The following RIF1 variants were observed in gnomAD, a reference collection of about 807,000 sequenced individuals.
The protein encoded by RIF1 is telomere-associated protein RIF1.
A neutral mutation model predicts 247.1 loss-of-function variants in RIF1; 45 were observed. The ratio of observed to expected loss-of-function variants is 0.18; its 90% CI spans 0.14 to 0.23. The LOEUF (loss-of-function observed/expected upper bound fraction) is 0.23. Among genes scored for constraint, RIF1 ranks in the 10% least tolerant of loss-of-function variants. The pLI is 1.00. For missense variants in RIF1, 2,967 were observed against 2,862.5 expected, an observed-to-expected ratio of 1.04 and a Z score of -0.83; for synonymous variants, 1,087 against 978.8, an observed-to-expected ratio of 1.11 and a Z score of -2.06.
intron 23 of RIF1, 72 bp from the exon 24 acceptor site, chr2:151,457,689 T>A: frequency 8.8e-7 from 1 of 1,142,460 alleles, no homozygotes; most frequent in Non-Finnish European, 1.3e-6. Context: ...TTTTAAAAAT[T>A]GAAATAGCAA....
chr2:151,522,386 G>A, the RIF1 span, among the ~76,000 whole-genome samples: 2 of 152,154 alleles, frequency 1.3e-5, no homozygotes, highest in Non-Finnish European at 2.9e-5. Context: ...AACTTCAGAA[G>A]AGGCAGAGGT....
chr2:151,525,366 G>T, the RIF1 span: 1 of 928,602 alleles, frequency 1.1e-6, no homozygotes, highest in South Asian at 1.4e-5. Context: ...GAAAATCCAT[G>T]CTCCCCATTT....
chr2:151,518,838 A>G, the RIF1 span: 1 of 647,660 alleles, frequency 1.5e-6, no homozygotes, highest in Non-Finnish European at 2.8e-6. Context: ...GAATACACTC[A>G]AATGAGAACA....
chr2:151,452,391 A>T (rs1694468328), intron 21 of RIF1, among the ~76,000 whole-genome samples: 1 of 152,268 alleles, frequency 6.6e-6, no homozygotes, highest in African/African-American at 2.4e-5. Context: ...ATCTGTCATT[A>T]ATGAAAAATG....
chr2:151,451,778 C>G, intron 21 of RIF1, 73 bp downstream of exon 21: 4 of 768,688 alleles, frequency 5.2e-6, no homozygotes, highest in Non-Finnish European at 9.1e-6. Context: ...AGGGGAAGTC[C>G]TAATACCTTT....
At chr2:151,520,756 C>A in the RIF1 span, among the ~76,000 whole-genome samples, 1 of 152,094 alleles carries the variant, frequency 6.6e-6, no homozygotes, top group Non-Finnish European at 1.5e-5. Flanking sequence ...CTCAGCTACT[C>A]AGGAGGCTGA....
chr2:151,505,629 C>T, intron 12 of RIF1: 1 of 1,360,162 alleles, frequency 7.4e-7, no homozygotes, highest in Non-Finnish European at 1.1e-6. Flanking sequence ...GTTATTCTTC[C>T]CAACATGTAC....
intron 9 of RIF1, among the ~76,000 whole-genome samples, chr2:151,490,689 T>G (rs1277234873): frequency 6.6e-6 from 1 of 152,226 alleles, no homozygotes; most frequent in Non-Finnish European, 1.5e-5. Flanking sequence ...CTTTCTTATT[T>G]TTACAGATGA....
intron 8 of RIF1, among the ~76,000 whole-genome samples, chr2:151,426,440 C>T (rs1689115115): frequency 6.6e-6 from 1 of 151,824 alleles, no homozygotes; most frequent in African/African-American, 2.4e-5. Flanking sequence ...TCCCAAAGTG[C>T]TGGCATTACA....
At chr2:151,453,170 C>T (rs1457126363) in intron 21 of RIF1, among the ~76,000 whole-genome samples, 1 of 152,026 alleles carries the variant, frequency 6.6e-6, no homozygotes, top group East Asian at 1.9e-4. Context: ...GCTCCCCCCT[C>T]CCCCCAGAAT....
chr2:151,427,304 A>C, intron 8 of RIF1, among the ~76,000 whole-genome samples: 2 of 150,842 alleles, frequency 1.3e-5, no homozygotes, highest in African/African-American at 4.9e-5. Flanking sequence ...TCGGCCTCTC[A>C]GGTTCAAGTG....
chr2:151,477,337 A>G lies in RIF1; in HGVS notation c.*2266A>G, dbSNP rs1040489406. On this transcript the variant is annotated 3_prime_UTR_variant, in exon 36 of 36. Transcript: ENST00000444746. ...GTTAATAAAACAAATGTCAGATCAT[A>G]ATAACACTCAAATGTGTCTTAATTG... The G allele has an allele frequency of 6.6e-5, 10 of 152,230 alleles. No homozygotes were observed. The highest frequency in any genetic ancestry group is 2.4e-4 in the African/African-American group (10 of 41,454). 9.4% of individuals were successfully genotyped at this position (152,230 alleles called of 1,614,324 possible).
At chr2:151,514,406 T>G in the RIF1 span, 2 of 1,612,638 alleles carry the variant, frequency 1.2e-6, no homozygotes, top group Non-Finnish European at 1.7e-6. Context: ...GATGCTTTCC[T>G]CTAGATCTTT....
chr2:151,489,516 A>G (rs1279367486), intron 9 of RIF1, among the ~76,000 whole-genome samples: 3 of 152,100 alleles, frequency 2.0e-5, no homozygotes, highest in Non-Finnish European at 4.4e-5. Flanking sequence ...CTCCCACCTC[A>G]ACTTCCTCAG....
chr2:151,438,633 C>T (rs1211084143), intron 13 of RIF1, 51 bp from the exon 14 acceptor site: 15 of 1,131,828 alleles, frequency 1.3e-5, no homozygotes, highest in South Asian at 7.4e-5. Context: ...AGTCATAGTA[C>T]GTAGTCATAT....
At chr2:151,531,098 G>A in the RIF1 span, 1 of 1,595,490 alleles carries the variant, frequency 6.3e-7, no homozygotes, top group Non-Finnish European at 8.6e-7. Context: ...AATTTATAAA[G>A]GATCTGAAAG....
chr2:151,424,895 C>T (rs560970234), intron 8 of RIF1, among the ~76,000 whole-genome samples: 1 of 126,718 alleles, frequency 7.9e-6, no homozygotes, highest in South Asian at 2.7e-4. Context: ...CCGTGCTGCT[C>T]AGGCTGGTCT....
intron 8 of RIF1, chr2:151,423,789 G>A (rs1216887783): frequency 6.6e-6 from 1 of 152,188 alleles, no homozygotes; most frequent in African/African-American, 2.4e-5. Flanking sequence ...GGGTGGTAGG[G>A]GGTGTGCTGC....
At chr2:151,519,847 G>A in the RIF1 span, 1 of 931,294 alleles carries the variant, frequency 1.1e-6, no homozygotes, top group Non-Finnish European at 1.8e-6. Flanking sequence ...AAACACAAAT[G>A]CCAAAGAATA....
Sources: gnomAD v4.1 joint callset for allele counts (sites outside exome capture counted in the v4.1 genomes callset) on GRCh38, gnomAD v4.1.1 for gene constraint, MANE v1.5 for transcripts, NCBI Gene and HGNC (gene_info 2026-07-23, HGNC 2026-07-21) for gene names.